RNF216: variants seen among roughly 807,000 people sequenced by gnomAD.
The protein encoded by RNF216 is E3 ubiquitin-protein ligase RNF216.
RNF216 carries 72 observed loss-of-function variants against 110.8 expected under a neutral mutation model. That is an observed-to-expected ratio of 0.65 (90% confidence interval 0.54 to 0.79). RNF216 has a LOEUF of 0.79. Ranked by LOEUF, RNF216 falls within the 30% of genes least tolerant of loss-of-function variation. The pLI is 0.00. For synonymous variants in RNF216, 495 were observed against 407.5 expected (o/e 1.21, Z -2.59); for missense variants, 1,342 against 1,141.2 (o/e 1.18, Z -2.54).
Position 5,622,784 on chromosome 7 carries a change from A to AGCCTTG in RNF216, c.*70_*75dup, listed in dbSNP as rs1786452444. The AGCCTTG allele has an allele frequency of 4.3e-6, 6 of 1,406,914 alleles. No individual in the cohort carries two copies. The East Asian group carries it at 1.4e-4, about 32-fold the overall frequency. 87.2% of individuals were successfully genotyped at this position (1,406,914 alleles called of 1,614,324 possible). A position where few individuals can be genotyped will look rare whatever the true frequency, so the allele number is the denominator to read the frequency against. ...CTTAGGATGCAATGGTACAGACACC[A>AGCCTTG]GCCTTGGGGGAGGGTTCTCCATCCA... On this transcript the variant is annotated 3_prime_UTR_variant, in exon 17 of 17. Transcript: ENST00000389902.
chr7:5,716,643 T>C, intron 10 of RNF216, 73 bp downstream of exon 10: 1 of 1,273,500 alleles, frequency 7.9e-7, no homozygotes, highest in South Asian at 1.4e-5. Context: ...CCATCAAAAA[T>C]GCTGACAAAA....
At chr7:5,712,059 C>A (rs1024593166) in intron 12 of RNF216, 1 of 554,776 alleles carries the variant, frequency 1.8e-6, no homozygotes, top group Non-Finnish European at 3.2e-6. Flanking sequence ...TGAATATAAA[C>A]CACTCAATAA....
At chr7:5,663,586 GAAAAAAAAAA>G (rs35905773) in intron 13 of RNF216, among the ~76,000 whole-genome samples, 7 of 80,108 alleles carry the variant, frequency 8.7e-5, no homozygotes, top group African/African-American at 3.7e-4. Context: ...TCCACCTCAG[GAAAAAAAAAA>G]AAAAAAAAAA....
At chr7:5,652,348 C>A in intron 14 of RNF216, 65 bp downstream of exon 14, 1 of 1,193,200 alleles carries the variant, frequency 8.4e-7, no homozygotes, top group South Asian at 1.2e-5. Context: ...GCCCTCTCTA[C>A]CAAAAAGCAG....
intron 13 of RNF216, among the ~76,000 whole-genome samples, chr7:5,671,665 C>T (rs932309558): frequency 3.9e-5 from 6 of 151,940 alleles, no homozygotes; most frequent in South Asian, 2.1e-4. Context: ...ATCAGCTGGG[C>T]GCGGTGGCGG....
intron 13 of RNF216, among the ~76,000 whole-genome samples, chr7:5,658,654 C>CAAA (rs753036691): frequency 3.3e-4 from 25 of 74,884 alleles, no homozygotes; most frequent in African/African-American, 8.1e-4. Context: ...GAGACTGTCT[C>CAAA]AAAAAAAAAA....
intron 1 of RNF216, among the ~76,000 whole-genome samples, chr7:5,776,997 C>A (rs1259307493): frequency 6.6e-6 from 1 of 151,322 alleles, no homozygotes; most frequent in African/African-American, 2.4e-5. Context: ...AGAGAAAGAG[C>A]GAGTGAGCAC....
At chr7:5,765,293 A>G (rs1478254330) in intron 1 of RNF216, among the ~76,000 whole-genome samples, 1 of 150,540 alleles carries the variant, frequency 6.6e-6, no homozygotes, top group Non-Finnish European at 1.5e-5. Context: ...AGGACTATCT[A>G]TACTGAAAAT....
At position 5,771,209 on chromosome 7, in the gene RNF216, G is replaced by C. The variant is rs1171899291; in HGVS notation, c.-69-10071C>G. On this transcript the variant is annotated intron_variant, in intron 1 of 16. Transcript: ENST00000389902. Reference sequence around the variant, plus strand: ...GATGCTGTACTCAAAAGCCATATATGGGGTGGGAGTAGGGGGTAACAACCC... The same window carrying C: ...GATGCTGTACTCAAAAGCCATATATCGGGTGGGAGTAGGGGGTAACAACCC... Among the ~76,000 whole-genome samples, 3 of 152,252 alleles carry C rather than the reference G, an allele frequency of 2.0e-5. No individual in the cohort carries two copies. In the East Asian group the frequency reaches 5.8e-4, roughly 29 times the overall value.
At chr7:5,705,819 A>T (rs1218422454) in intron 13 of RNF216, among the ~76,000 whole-genome samples, 1 of 151,908 alleles carries the variant, frequency 6.6e-6, no homozygotes, top group African/African-American at 2.4e-5. Flanking sequence ...GGGCAGGAGA[A>T]TTGCTTGAAC....
intron 5 of RNF216, chr7:5,732,962 T>C (rs1409306065): frequency 6.6e-6 from 1 of 152,238 alleles, no homozygotes; most frequent in East Asian, 1.9e-4. Flanking sequence ...CCAGCCAAAG[T>C]AGATTACCTG....
At chr7:5,738,753 AAC>A (rs1794584618) in intron 5 of RNF216, among the ~76,000 whole-genome samples, 1 of 151,924 alleles carries the variant, frequency 6.6e-6, no homozygotes, top group Non-Finnish European at 1.5e-5. Context: ...TATTTCTCCA[AAC>A]AGAGTGGTTG....
At chr7:5,623,997 C>A (rs1455670445) in intron 16 of RNF216, 59 bp downstream of exon 16, 4 of 1,467,456 alleles carry the variant, frequency 2.7e-6, no homozygotes, top group Non-Finnish European at 3.8e-6. Context: ...GGGAGGCCAG[C>A]AGAAGCCTGC....
At chr7:5,649,956 G>A (rs924707346) in intron 14 of RNF216, 4 of 152,218 alleles carry the variant, frequency 2.6e-5, no homozygotes, top group Non-Finnish European at 4.4e-5. Flanking sequence ...TCGTTCAATA[G>A]GATAACACAC....
chr7:5,684,227 G>A (rs781037100), intron 13 of RNF216, among the ~76,000 whole-genome samples: 96 of 149,780 alleles, frequency 6.4e-4, no homozygotes, highest in Non-Finnish European at 1.1e-3. Context: ...CTCAGCCTCC[G>A]GAGTAGTTAG....
chr7:5,687,331 G>T (rs1251442532), intron 13 of RNF216, among the ~76,000 whole-genome samples: 3 of 147,860 alleles, frequency 2.0e-5, no homozygotes, highest in Non-Finnish European at 4.4e-5. Context: ...GGGAGGCGGA[G>T]GTTGCAGTGA....
intron 13 of RNF216, among the ~76,000 whole-genome samples, chr7:5,678,689 G>GCTACCCTTGGA (rs1790460075): frequency 1.3e-5 from 2 of 152,228 alleles, no homozygotes; most frequent in Admixed American, 6.5e-5. Flanking sequence ...TGTGCCTCCT[G>GCTACCCTTGGA]GGCCTGCTAC....
intron 11 of RNF216, among the ~76,000 whole-genome samples, chr7:5,713,750 AGAC>A (rs1225696726): frequency 6.6e-6 from 1 of 152,262 alleles, no homozygotes; most frequent in Non-Finnish European, 1.5e-5. Flanking sequence ...AAATGGAAAA[AGAC>A]GACATTTTAA....
chr7:5,751,696 C>T (rs2128663160), intron 3 of RNF216, among the ~76,000 whole-genome samples: 1 of 152,176 alleles, frequency 6.6e-6, no homozygotes, highest in East Asian at 1.9e-4. Context: ...TTTGCTTCTG[C>T]TCTCTTCAGC....
Sources: allele counts gnomAD v4.1 joint callset (sites outside exome capture counted in the v4.1 genomes callset), GRCh38; gene constraint gnomAD v4.1.1; transcripts MANE v1.5; gene names NCBI Gene and HGNC (gene_info 2026-07-23, HGNC 2026-07-21).